Variants in KDM2A observed in about 807,000 individuals in gnomAD.
KDM2A encodes lysine demethylase 2A, also known as lysine-specific demethylase 2A.
A neutral mutation model predicts 137.3 loss-of-function variants in KDM2A; 3 were observed. The observed-to-expected ratio is 0.02, with a 90% CI of 0.01 to 0.06. KDM2A has a LOEUF of 0.06. KDM2A is among the 10% of genes least tolerant of loss of function. KDM2A has a pLI of 1.00. For synonymous variants in KDM2A, 512 were observed against 541.5 expected, an observed-to-expected ratio of 0.95 and a Z score of 0.76; for missense variants, 738 against 1,510.6, an observed-to-expected ratio of 0.49 and a Z score of 8.48.
intron 2 of KDM2A, among the ~76,000 whole-genome samples, chr11:67,158,591 C>T (rs1466816354): frequency 6.6e-6 from 1 of 152,074 alleles, no homozygotes; most frequent in African/African-American, 2.4e-5. Flanking sequence ...CAATTTTGAC[C>T]GTTGTGTAGT....
chr11:67,153,441 A>G (rs1856443918), intron 2 of KDM2A, among the ~76,000 whole-genome samples: 1 of 152,322 alleles, frequency 6.6e-6, no homozygotes, highest in Admixed American at 6.5e-5. Context: ...TGTGTCATCA[A>G]ACTTTGTATT....
chr11:67,249,944 C>G, intron 16 of KDM2A, 142 bp from the exon 17 acceptor site: 1 of 682,240 alleles, frequency 1.5e-6, no homozygotes, highest in Non-Finnish European at 2.4e-6. Flanking sequence ...CCAGCCTGGG[C>G]CGACTCTGAG....
At position 67,245,965 on chromosome 11, in the gene KDM2A, C is replaced by T; in HGVS notation, c.1834-20C>T. ...AGATCTGAGTCAGTTCTCTTGGATT[C>T]TATCTTTGTCCTCTTGTAGCCCAGA... is the stretch of plus-strand genomic sequence containing the variant. On this transcript the variant is annotated intron_variant, in intron 14 of 20. Transcript: ENST00000529006. This position sits in a 1 kb window ranked among gnomAD's most constrained non-coding sequence, Gnocchi z 4.1. 6.2e-7 allele frequency: 1 copy of T among 1,613,188 alleles called. No homozygotes were observed. The highest frequency in any genetic ancestry group is 2.2e-5 in the East Asian group (1 of 44,866).
chr11:67,209,432 T>TTTATTA (rs371101361), intron 6 of KDM2A, among the ~76,000 whole-genome samples: 23 of 149,940 alleles, frequency 1.5e-4, no homozygotes, highest in East Asian at 7.8e-4. Flanking sequence ...AGAATTTTAT[T>TTTATTA]TTATTATTAT....
chr11:67,164,207 G>A (rs763987464), intron 2 of KDM2A, among the ~76,000 whole-genome samples: 1 of 152,162 alleles, frequency 6.6e-6, no homozygotes, highest in Non-Finnish European at 1.5e-5. Flanking sequence ...GCAGTGCCTA[G>A]ACCCAGACCT....
At chr11:67,166,428 C>T (rs915417766) in intron 2 of KDM2A, among the ~76,000 whole-genome samples, 9 of 151,974 alleles carry the variant, frequency 5.9e-5, no homozygotes, top group African/African-American at 2.2e-4. Flanking sequence ...TCAAGTGATC[C>T]GCCCGCCTTG....
chr11:67,199,319 C>T (rs1857561499), intron 5 of KDM2A, among the ~76,000 whole-genome samples: 1 of 152,158 alleles, frequency 6.6e-6, no homozygotes, highest in African/African-American at 2.4e-5. Context: ...TCCCACCTCT[C>T]TCACTTTAAA....
chr11:67,248,162 T>G (rs1859306294), intron 15 of KDM2A, 119 bp from the exon 16 acceptor site: 1 of 733,986 alleles, frequency 1.4e-6, no homozygotes, highest in Non-Finnish European at 2.3e-6. Flanking sequence ...TTGCTCACAG[T>G]TTTTCTCCCT....
At chr11:67,212,971 G>A (rs765470884) in intron 6 of KDM2A, among the ~76,000 whole-genome samples, 24 of 152,262 alleles carry the variant, frequency 1.6e-4, no homozygotes, top group Admixed American at 4.6e-4. Context: ...GGAAAGAAAG[G>A]CATCCAGGGC....
chr11:67,158,561 A>G (rs1167868658), intron 2 of KDM2A, among the ~76,000 whole-genome samples: 2 of 152,310 alleles, frequency 1.3e-5, no homozygotes, highest in East Asian at 1.9e-4. Flanking sequence ...CCTCCTTGCC[A>G]GCATTTGGTG....
At chr11:67,252,900 G>A in intron 18 of KDM2A, 43 bp downstream of exon 18, 1 of 1,565,736 alleles carries the variant, frequency 6.4e-7, no homozygotes. Flanking sequence ...GGGCCCAGAA[G>A]AAGCGGGCAA....
At chr11:67,215,824 G>C in intron 7 of KDM2A, 32 bp from the exon 8 acceptor site, 1 of 1,565,568 alleles carries the variant, frequency 6.4e-7, no homozygotes. Context: ...TTTTCCATCA[G>C]TACACTAATG....
At chr11:67,244,486 C>G (rs1460162245) in intron 13 of KDM2A, among the ~76,000 whole-genome samples, 1 of 152,012 alleles carries the variant, frequency 6.6e-6, no homozygotes, top group African/African-American at 2.4e-5. Flanking sequence ...GGAGTGACTT[C>G]GGTACATGGC....
At chr11:67,186,859 G>A (rs2136343682) in intron 5 of KDM2A, among the ~76,000 whole-genome samples, 1 of 152,254 alleles carries the variant, frequency 6.6e-6, no homozygotes, top group South Asian at 2.1e-4. Context: ...CTTGAACCCA[G>A]GAATTCAAGA....
chr11:67,164,626 C>CTT, intron 2 of KDM2A, among the ~76,000 whole-genome samples: 1 of 145,394 alleles, frequency 6.9e-6, no homozygotes, highest in South Asian at 2.2e-4. Context: ...TGCTGTTGGA[C>CTT]TTTTTTTTTT....
At chr11:67,216,037 A>T in intron 8 of KDM2A, 88 bp downstream of exon 8, 1 of 958,540 alleles carries the variant, frequency 1.0e-6, no homozygotes, top group Non-Finnish European at 1.7e-6. Flanking sequence ...TACCCTGGAA[A>T]TGAATCTGTT....
At chr11:67,190,919 T>C (rs1312210500) in intron 5 of KDM2A, among the ~76,000 whole-genome samples, 1 of 152,176 alleles carries the variant, frequency 6.6e-6, no homozygotes, top group African/African-American at 2.4e-5. Flanking sequence ...GAGTCAATAT[T>C]CAAAAATCTC....
rs570773166 is a variant in KDM2A at position 67,250,040 on chromosome 11, G to T, written c.2056-46G>T. On this transcript the variant is annotated intron_variant, in intron 16 of 20. Transcript: ENST00000529006. This position sits in a 1 kb window ranked among gnomAD's most constrained non-coding sequence, Gnocchi z 7.1. ...TCCACCCTGTCGGTTCAGAGGGTTT[G>T]GAAGAAAGGAAGCACTGATGTTGCT... 6.7e-7 allele frequency: 1 copy of T among 1,484,162 alleles called. No individual in the cohort carries two copies. The highest frequency in any genetic ancestry group is 9.1e-7 in the Non-Finnish European group (1 of 1,097,392). 91.9% of individuals were successfully genotyped at this position (1,484,162 alleles called of 1,614,324 possible).
chr11:67,144,737 G>C (rs1162232074), intron 2 of KDM2A, among the ~76,000 whole-genome samples: 1 of 149,432 alleles, frequency 6.7e-6, no homozygotes, highest in Non-Finnish European at 1.5e-5. Flanking sequence ...CTAATATTTG[G>C]TATTTTTTTT....
Sources: gnomAD v4.1 joint callset for allele counts (sites outside exome capture counted in the v4.1 genomes callset) on GRCh38, gnomAD v4.1.1 for gene constraint, Gnocchi (gnomAD v3.1) non-coding constraint, MANE v1.5 for transcripts, NCBI Gene and HGNC (gene_info 2026-07-23, HGNC 2026-07-21) for gene names.